Variants in GAB3 observed in about 807,000 individuals in gnomAD.
The protein encoded by GAB3 is GRB2 associated binding protein 3.
GAB3 carries 12 observed loss-of-function variants against 40.4 expected under a neutral mutation model. That is an observed-to-expected ratio of 0.30 (90% CI 0.19 to 0.48). The LOEUF (loss-of-function observed/expected upper bound fraction) is 0.48. Ranked by LOEUF, GAB3 falls within the 20% of genes least tolerant of loss-of-function variation. The pLI is 0.99. For missense variants in GAB3, 381 were observed against 461.9 expected (o/e 0.82, Z 1.61); for synonymous variants, 154 against 176.7 (o/e 0.87, Z 1.02).
chrX:154,690,906 T>TC (rs781910426), intron 8 of GAB3, among the ~76,000 whole-genome samples: 1 of 107,509 alleles, frequency 9.3e-6, no homozygotes, highest in East Asian at 2.8e-4. Context: ...GACCCAGTGA[T>TC]CCCATTACTG....
chrX:154,743,583 A>C (rs1316289222), intron 1 of GAB3, among the ~76,000 whole-genome samples: 1 of 112,015 alleles, frequency 8.9e-6, no homozygotes, highest in African/African-American at 3.2e-5. Flanking sequence ...AGCACAAAGA[A>C]TATAAGAATG....
chrX:154,683,775 A>C (rs1422531510), intron 8 of GAB3, among the ~76,000 whole-genome samples: 1 of 111,282 alleles, frequency 9.0e-6, no homozygotes, highest in Non-Finnish European at 1.9e-5. Context: ...TCTAGTTTCC[A>C]ATATGTTACT....
intron 1 of GAB3, among the ~76,000 whole-genome samples, chrX:154,736,868 A>G (rs782648039): frequency 8.0e-5 from 9 of 112,214 alleles, no homozygotes; most frequent in Admixed American, 3.8e-4. Flanking sequence ...CAGGCCCTAA[A>G]GATGTAGTTA....
In GAB3 at chrX:154,716,140, C is replaced by T; in HGVS notation, c.262G>A (p.Val88Ile). ...KEFQNNFVFI[V>I]KTTSRTFYLV... ...TAGAATGTACGGGAAGTAGTCTTGA[C>T]AATGAACACGAAATTATTCTGAAAT... Residue 88 changes from valine to isoleucine, a missense_variant, in exon 2 of 10, where the codon GTC becomes ATC. Around this residue, in one of 2 missense-constraint regions of GAB3, gnomAD observed 364 missense variants for 421.0 expected, o/e 0.86. Transcript: ENST00000424127. 1 of 1,212,129 alleles carries T rather than the reference C, an allele frequency of 8.2e-7. No individual in the cohort carries two copies. The highest frequency in any genetic ancestry group is 1.1e-6 in the Non-Finnish European group (1 of 895,518).
intron 8 of GAB3, among the ~76,000 whole-genome samples, chrX:154,687,098 A>G (rs2070462809): frequency 9.0e-6 from 1 of 110,592 alleles, no homozygotes; most frequent in South Asian, 3.9e-4. Flanking sequence ...TGGCTAAGAC[A>G]TGACAATCAC....
chrX:154,741,601 G>A (rs188524781), intron 1 of GAB3, among the ~76,000 whole-genome samples: 1,399 of 106,038 alleles, frequency 0.013, 16 homozygotes, highest in Non-Finnish European at 0.021. Context: ...GTTTGAACCT[G>A]GGAGGCGGAG....
chrX:154,705,547 T>C (rs781964846), intron 4 of GAB3, among the ~76,000 whole-genome samples: 1 of 110,855 alleles, frequency 9.0e-6, no homozygotes, highest in Non-Finnish European at 1.9e-5. Context: ...CCCTTCATGA[T>C]TAAAAAAACT....
rs782157003 is a variant in GAB3 at position 154,698,552 on chromosome X, C to T, written c.1345+742G>A. On this transcript the variant is annotated intron_variant, in intron 6 of 9. Transcript: ENST00000424127. Reference sequence around the variant, plus strand: ...AAGGGCAAAGAGAAGTTGGAATGCACGAGAGATCAGTCATTCTACCAATGC... The same window carrying T: ...AAGGGCAAAGAGAAGTTGGAATGCATGAGAGATCAGTCATTCTACCAATGC... Among the ~76,000 whole-genome samples the T allele has an allele frequency of 1.7e-4, 19 of 112,014 alleles. No homozygotes were observed. The South Asian group carries it at 7.1e-3, about 42-fold the overall frequency.
At chrX:154,705,569 A>G (rs2070795655) in intron 4 of GAB3, among the ~76,000 whole-genome samples, 1 of 111,388 alleles carries the variant, frequency 9.0e-6, no homozygotes, top group African/African-American at 3.3e-5. Flanking sequence ...TCAACAAACT[A>G]GGCATATAAG....
intron 1 of GAB3, among the ~76,000 whole-genome samples, chrX:154,725,123 C>T (rs1404556596): frequency 9.0e-6 from 1 of 111,595 alleles, no homozygotes; most frequent in African/African-American, 3.3e-5. Context: ...GCCTGGAACA[C>T]ATCCTTCCCT....
At chrX:154,704,866 AC>A (rs1297784295) in intron 4 of GAB3, among the ~76,000 whole-genome samples, 1 of 111,677 alleles carries the variant, frequency 9.0e-6, no homozygotes, top group South Asian at 3.7e-4. Flanking sequence ...GACACGTAAA[AC>A]CTACCAAGAT....
At chrX:154,716,477 GC>G in intron 1 of GAB3, 148 bp from the exon 2 acceptor site, 1 of 527,078 alleles carries the variant, frequency 1.9e-6, no homozygotes, top group Non-Finnish European at 3.0e-6. Flanking sequence ...CAGGACTAGT[GC>G]CCATCTTCAA....
intron 1 of GAB3, among the ~76,000 whole-genome samples, chrX:154,717,833 T>C (rs1401738212): frequency 4.5e-5 from 5 of 112,064 alleles, no homozygotes; most frequent in African/African-American, 6.5e-5. Flanking sequence ...GTTCCTTGTC[T>C]TACATTTAGG....
rs1161400794 is a variant in GAB3 at position 154,677,527 on chromosome X, T to C, written c.*651A>G. The C allele has an allele frequency of 8.9e-6, 1 of 111,965 alleles. No individual in the cohort carries two copies. The highest frequency in any genetic ancestry group is 3.2e-5 in the African/African-American group (1 of 30,771). 9.2% of individuals were successfully genotyped at this position (111,965 alleles called of 1,213,427 possible). A position where few individuals can be genotyped will look rare whatever the true frequency, so the allele number is the denominator to read the frequency against. Reference sequence around the variant, plus strand: ...TTCCAGGCCTATCTTCCAAGGTCTTTCGGAGAAGACACGAGACGATGCGTG... The same window carrying C: ...TTCCAGGCCTATCTTCCAAGGTCTTCCGGAGAAGACACGAGACGATGCGTG... On this transcript the variant is annotated 3_prime_UTR_variant, in exon 10 of 10. Coordinates refer to ENST00000424127, the MANE Select transcript of GAB3 (RefSeq NM_001081573.3).
chrX:154,746,633 G>A (rs1381113420), intron 1 of GAB3, among the ~76,000 whole-genome samples: 1 of 112,274 alleles, frequency 8.9e-6, no homozygotes, highest in Non-Finnish European at 1.9e-5. Context: ...GGTGAAAAAT[G>A]GAATGCTTTC....
intron 4 of GAB3, among the ~76,000 whole-genome samples, chrX:154,711,609 A>C (rs1387141592): frequency 1.8e-5 from 2 of 112,141 alleles, no homozygotes; most frequent in Non-Finnish European, 3.8e-5. Context: ...ACAGCCACTT[A>C]GAATTTGGAA....
intron 1 of GAB3, among the ~76,000 whole-genome samples, chrX:154,744,434 G>T (rs1156228412): frequency 9.0e-6 from 1 of 111,351 alleles, no homozygotes; most frequent in African/African-American, 3.3e-5. Flanking sequence ...CAGGGACAAA[G>T]CAAGACATTA....
chrX:154,724,586 G>A (rs782125183), intron 1 of GAB3, among the ~76,000 whole-genome samples: 1 of 110,823 alleles, frequency 9.0e-6, no homozygotes, highest in Non-Finnish European at 1.9e-5. Context: ...CATTACCACC[G>A]ACCAGTATCA....
At chrX:154,702,568 T>A (rs782262778) in intron 4 of GAB3, among the ~76,000 whole-genome samples, 2 of 111,877 alleles carry the variant, frequency 1.8e-5, no homozygotes, top group Non-Finnish European at 3.8e-5. Context: ...ACAAATGGGA[T>A]CACATGAACT....
Sources: allele counts gnomAD v4.1 joint callset (sites outside exome capture counted in the v4.1 genomes callset), GRCh38; gene constraint gnomAD v4.1.1; regional missense constraint gnomAD v4.1.1; transcripts MANE v1.5; gene names NCBI Gene and HGNC (gene_info 2026-07-23, HGNC 2026-07-21).